Variants in ZBTB20 observed in about 807,000 individuals in gnomAD.
The protein encoded by ZBTB20 is zinc finger and BTB domain containing 20.
Under a neutral mutation model 56.9 loss-of-function variants are expected in ZBTB20, and 9 were observed. That is an observed-to-expected ratio of 0.16 (90% CI 0.10 to 0.28). ZBTB20 has a LOEUF of 0.28. Ranked by LOEUF, ZBTB20 falls within the 10% of genes least tolerant of loss-of-function variation. ZBTB20 has a pLI of 1.00. For synonymous variants in ZBTB20, 417 were observed against 420.7 expected, an observed-to-expected ratio of 0.99 and a Z score of 0.11; for missense variants, 655 against 1,003.0, an observed-to-expected ratio of 0.65 and a Z score of 4.69.
At chr3:115,099,994 G>A (rs752473993) in intron 1 of ZBTB20, among the ~76,000 whole-genome samples, 23 of 152,206 alleles carry the variant, frequency 1.5e-4, no homozygotes, top group Non-Finnish European at 2.8e-4. Context: ...AAGAAAATTA[G>A]TAAAGGGTAG....
At chr3:114,652,623 G>T (rs1257155632) in intron 6 of ZBTB20, among the ~76,000 whole-genome samples, 1 of 151,880 alleles carries the variant, frequency 6.6e-6, no homozygotes, top group Non-Finnish European at 1.5e-5. Flanking sequence ...CTTGAAATTA[G>T]GTAATGTGAG....
At chr3:114,614,989 C>T (rs1159736390) in intron 6 of ZBTB20, among the ~76,000 whole-genome samples, 1 of 152,116 alleles carries the variant, frequency 6.6e-6, no homozygotes, top group Non-Finnish European at 1.5e-5. Context: ...AACTCCTGAC[C>T]TCAGGTGATC....
chr3:114,722,828 C>T (rs779600226), intron 5 of ZBTB20, among the ~76,000 whole-genome samples: 16 of 152,152 alleles, frequency 1.1e-4, no homozygotes, highest in Non-Finnish European at 1.9e-4. Context: ...TTTATTTCTT[C>T]CAATCAAACA....
chr3:114,566,015 T>A (rs2052696073), intron 6 of ZBTB20, among the ~76,000 whole-genome samples: 1 of 117,100 alleles, frequency 8.5e-6, no homozygotes, highest in Admixed American at 7.9e-5. Flanking sequence ...TTTTTTTTTC[T>A]TTTTTTAAAA....
intron 6 of ZBTB20, among the ~76,000 whole-genome samples, chr3:114,570,381 T>G (rs1181932529): frequency 1.3e-5 from 2 of 151,124 alleles, no homozygotes; most frequent in Non-Finnish European, 3.0e-5. Context: ...AAATACAGTA[T>G]GAAATACAAT....
intron 1 of ZBTB20, among the ~76,000 whole-genome samples, chr3:115,074,112 C>T (rs979465696): frequency 5.9e-5 from 9 of 151,984 alleles, no homozygotes; most frequent in African/African-American, 2.2e-4. Context: ...AGCCTCTTAC[C>T]TCTTTCATCC....
Position 114,335,362 on chromosome 3 carries a change from A to G in ZBTB20, c.*3643T>C, listed in dbSNP as rs569888185. ...ATGTAAGATGACTGTAGGACTTGAA[A>G]CAAAAAAAAATTAAAAAGATCCACA... is the stretch of plus-strand genomic sequence containing the variant. On this transcript the variant is annotated 3_prime_UTR_variant, in exon 12 of 12. Transcript: ENST00000675478. 6.7e-6 allele frequency: 1 copy of G among 150,106 alleles called. No homozygotes were observed. Among genetic ancestry groups the G allele is most frequent in the South Asian group, 2.1e-4 (1 of 4,714 alleles). The allele number at this position is 150,106 out of a possible 1,614,324, so 9.3% of individuals were successfully genotyped here.
chr3:114,406,988 C>T (rs550320008), intron 7 of ZBTB20, among the ~76,000 whole-genome samples: 2 of 152,038 alleles, frequency 1.3e-5, no homozygotes, highest in South Asian at 4.2e-4. Context: ...TGTGACTATT[C>T]ATTGTTCCTG....
At chr3:114,663,933 A>C (rs2060899454) in intron 6 of ZBTB20, among the ~76,000 whole-genome samples, 1 of 151,766 alleles carries the variant, frequency 6.6e-6, no homozygotes, top group Non-Finnish European at 1.5e-5. Flanking sequence ...CCCACACATT[A>C]ATAATGGGAG....
At chr3:114,722,720 C>T (rs1465094212) in intron 5 of ZBTB20, among the ~76,000 whole-genome samples, 1 of 152,200 alleles carries the variant, frequency 6.6e-6, no homozygotes, top group Non-Finnish European at 1.5e-5. Flanking sequence ...ATCCTTTTCT[C>T]AGTTGCTGTC....
At chr3:115,095,206 T>C (rs922124119) in intron 1 of ZBTB20, among the ~76,000 whole-genome samples, 3 of 152,170 alleles carry the variant, frequency 2.0e-5, no homozygotes, top group Non-Finnish European at 4.4e-5. Context: ...AAATATGTTC[T>C]TCTTCCCTCT....
At chr3:114,668,743 T>C (rs537092123) in intron 6 of ZBTB20, among the ~76,000 whole-genome samples, 2 of 152,142 alleles carry the variant, frequency 1.3e-5, no homozygotes, top group East Asian at 1.9e-4. Context: ...AAGATCACCA[T>C]AGTAATAACG....
intron 6 of ZBTB20, among the ~76,000 whole-genome samples, chr3:114,530,871 A>G (rs1201884013): frequency 6.6e-6 from 1 of 151,858 alleles, no homozygotes; most frequent in Non-Finnish European, 1.5e-5. Flanking sequence ...TAATTTCCCT[A>G]TTCTCTATCT....
Position 114,329,266 on chromosome 3 carries a change from T to A in ZBTB20, c.*9739A>T, listed in dbSNP as rs1429744684. 4 of 152,284 alleles carry A rather than the reference T, an allele frequency of 2.6e-5. No homozygotes were observed. The highest frequency in any genetic ancestry group is 2.1e-4 in the South Asian group (1 of 4,828). The allele number at this position is 152,284 out of a possible 1,614,324, so 9.4% of individuals were successfully genotyped here. ...GTGTTCACGCTGAGAAGTCTTCATA[T>A]TGGACCAGTGTGAGGGGGTCTTTTA... On this transcript the variant is annotated 3_prime_UTR_variant, in exon 12 of 12. Transcript: ENST00000675478.
intron 1 of ZBTB20, among the ~76,000 whole-genome samples, chr3:115,147,011 G>T (rs1223802602): frequency 1.3e-5 from 2 of 149,378 alleles, no homozygotes; most frequent in Non-Finnish European, 3.0e-5. Context: ...GGCGGGGCGG[G>T]GCGCGGGGGC....
At chr3:114,923,619 A>C (rs1241593366) in intron 3 of ZBTB20, among the ~76,000 whole-genome samples, 1 of 152,190 alleles carries the variant, frequency 6.6e-6, no homozygotes, top group African/African-American at 2.4e-5. Context: ...TGTAAGATCC[A>C]AAACTGTAAA....
At chr3:114,857,991 A>G (rs2075328955) in intron 4 of ZBTB20, among the ~76,000 whole-genome samples, 1 of 152,238 alleles carries the variant, frequency 6.6e-6, no homozygotes, top group African/African-American at 2.4e-5. Flanking sequence ...TCTGGAAGGT[A>G]GCCTTGTAAA....
chr3:114,375,339 C>T (rs1290806943), intron 10 of ZBTB20, among the ~76,000 whole-genome samples: 5 of 152,168 alleles, frequency 3.3e-5, no homozygotes, highest in African/African-American at 7.2e-5. Context: ...TATTTTGAAA[C>T]ACTGCCTTCT....
At chr3:114,642,590 G>A (rs142711917) in intron 6 of ZBTB20, among the ~76,000 whole-genome samples, 1,562 of 152,082 alleles carry the variant, frequency 0.01, 21 homozygotes, top group African/African-American at 0.035. Flanking sequence ...CACTTTTCCC[G>A]ACTGCCGATG....
Sources: allele counts gnomAD v4.1 joint callset (sites outside exome capture counted in the v4.1 genomes callset), GRCh38; gene constraint gnomAD v4.1.1; transcripts MANE v1.5; gene names NCBI Gene and HGNC (gene_info 2026-07-23, HGNC 2026-07-21).